Variants in COL24A1 observed in about 807,000 individuals in gnomAD.
The protein encoded by COL24A1 is collagen alpha-1(XXIV) chain.
Under a neutral mutation model 253.9 loss-of-function variants are expected in COL24A1, and 224 were observed. That is an observed-to-expected ratio of 0.88 (90% CI 0.79 to 0.99). The LOEUF (loss-of-function observed/expected upper bound fraction) is 0.99. COL24A1 is among the 50% of genes least tolerant of loss of function. COL24A1 has a pLI of 0.00. For missense variants in COL24A1, 2,131 were observed against 2,068.5 expected, an observed-to-expected ratio of 1.03 and a Z score of -0.59; for synonymous variants, 685 against 673.7, an observed-to-expected ratio of 1.02 and a Z score of -0.26.
rs141268668 is a variant in COL24A1 at position 85,730,527 on chromosome 1, C to G, written c.*19G>C. ...AATTACCTGGCCAACAGCCTGAATTCGGAACTAATTCAGAGACTTTACAGA... is the reference window on the plus strand; with the variant it reads ...AATTACCTGGCCAACAGCCTGAATTGGGAACTAATTCAGAGACTTTACAGA... On this transcript the variant is annotated 3_prime_UTR_variant, in exon 60 of 60. Coordinates refer to ENST00000370571, the MANE Select transcript of COL24A1 (RefSeq NM_152890.7). 2 of 1,610,532 alleles carry G rather than the reference C, an allele frequency of 1.2e-6. No individual in the cohort carries two copies. The highest frequency in any genetic ancestry group is 2.7e-5 in the African/African-American group (2 of 74,840).
At chr1:85,987,729 T>C (rs1693852000) in intron 19 of COL24A1, 75 bp from the exon 20 acceptor site, 1 of 1,283,298 alleles carries the variant, frequency 7.8e-7, no homozygotes, top group African/African-American at 1.5e-5. Context: ...AAATTCCCTT[T>C]GCTATTCCTC....
chr1:86,032,013 G>A, intron 13 of COL24A1, 91 bp from the exon 14 acceptor site: 2 of 1,000,812 alleles, frequency 2.0e-6, no homozygotes, highest in Non-Finnish European at 3.0e-6. Flanking sequence ...TTCTAGCTAA[G>A]AATACATCAA....
chr1:85,949,988 T>A (rs1689732260), intron 24 of COL24A1, among the ~76,000 whole-genome samples: 1 of 152,142 alleles, frequency 6.6e-6, no homozygotes, highest in Non-Finnish European at 1.5e-5. Flanking sequence ...CCTCTGTACA[T>A]GTTCTGTTAC....
At chr1:85,995,487 A>G (rs1030323547) in intron 19 of COL24A1, among the ~76,000 whole-genome samples, 2 of 152,236 alleles carry the variant, frequency 1.3e-5, no homozygotes, top group Non-Finnish European at 1.5e-5. Flanking sequence ...TAGTTAAGTT[A>G]TAATTCAAAA....
At chr1:86,010,067 A>G (rs1257777078) in intron 19 of COL24A1, among the ~76,000 whole-genome samples, 1 of 152,204 alleles carries the variant, frequency 6.6e-6, no homozygotes, top group Non-Finnish European at 1.5e-5. Flanking sequence ...CACAAAAAAA[A>G]CTTTTAATGT....
At chr1:85,984,539 T>C (rs1693545595) in intron 20 of COL24A1, among the ~76,000 whole-genome samples, 1 of 151,830 alleles carries the variant, frequency 6.6e-6, no homozygotes, top group African/African-American at 2.4e-5. Context: ...AATAAATAAG[T>C]TATTGAATGA....
intron 57 of COL24A1, among the ~76,000 whole-genome samples, chr1:85,738,082 C>A (rs1046583160): frequency 1.3e-4 from 20 of 151,986 alleles, no homozygotes; most frequent in African/African-American, 4.8e-4. Context: ...GATAGAATAG[C>A]TGAATTGATT....
At chr1:86,055,264 A>G (rs984667684) in intron 10 of COL24A1, among the ~76,000 whole-genome samples, 1 of 152,178 alleles carries the variant, frequency 6.6e-6, no homozygotes, top group Non-Finnish European at 1.5e-5. Flanking sequence ...CCCATGTAAC[A>G]AAGCTGCACA....
chr1:85,875,241 A>C, intron 34 of COL24A1, 36 bp downstream of exon 34: 1 of 1,586,202 alleles, frequency 6.3e-7, no homozygotes, highest in East Asian at 2.2e-5. Context: ...CAATGGTGAA[A>C]GTTTAGAGAT....
At chr1:85,794,255 C>T (rs1670593043) in intron 47 of COL24A1, among the ~76,000 whole-genome samples, 1 of 152,064 alleles carries the variant, frequency 6.6e-6, no homozygotes, top group Admixed American at 6.6e-5. Flanking sequence ...TAAAATAGAA[C>T]CATTTTGCCT....
At chr1:85,872,143 T>C (rs1160774084) in intron 35 of COL24A1, among the ~76,000 whole-genome samples, 2 of 152,170 alleles carry the variant, frequency 1.3e-5, no homozygotes, top group Non-Finnish European at 2.9e-5. Flanking sequence ...ACAAGGGATG[T>C]GAAGGACCTC....
chr1:86,016,002 AG>A (rs768150723), intron 19 of COL24A1, among the ~76,000 whole-genome samples: 49 of 151,200 alleles, frequency 3.2e-4, no homozygotes, highest in Non-Finnish European at 3.8e-4. Context: ...CTGGGACTAC[AG>A]GTGTGAGCCA....
At chr1:86,136,402 C>T (rs764321483) in intron 2 of COL24A1, among the ~76,000 whole-genome samples, 6 of 150,328 alleles carry the variant, frequency 4.0e-5, no homozygotes, top group Non-Finnish European at 8.9e-5. Flanking sequence ...TTTCTGAGCA[C>T]ATTTTGGGGA....
intron 8 of COL24A1, among the ~76,000 whole-genome samples, chr1:86,062,144 G>A (rs2101770577): frequency 6.6e-6 from 1 of 152,162 alleles, no homozygotes; most frequent in East Asian, 1.9e-4. Flanking sequence ...ACTACTAGAA[G>A]TTGTAGTTAA....
Position 85,823,582 on chromosome 1 carries a change from G to C in COL24A1, c.3743C>G (p.Pro1248Arg). Residue 1248 changes from proline (P) to arginine (R), a missense_variant, in exon 45 of 60, where the codon CCA (proline) becomes CGA (arginine). Pro to Arg is a moderately radical substitution (Grantham distance 103, BLOSUM62 -2). Transcript: ENST00000370571. ...TAGTCCTTGTTCACCCTGGTCACCT[G>C]GTTCGCCCTTTAGTAGAAACCAAAA... The part of the protein sequence containing the change: ...ATGQQGPPGE[P>R]GDQGEQGLKG... The C allele has an allele frequency of 1.2e-6, 2 of 1,613,928 alleles. No homozygotes were observed. The highest frequency in any genetic ancestry group is 1.7e-6 in the Non-Finnish European group (2 of 1,179,920).
At chr1:85,992,019 C>T (rs996618463) in intron 19 of COL24A1, among the ~76,000 whole-genome samples, 4 of 151,314 alleles carry the variant, frequency 2.6e-5, no homozygotes, top group African/African-American at 4.9e-5. Flanking sequence ...TGTGCTGCAC[C>T]CATTAACTCT....
chr1:85,873,125 C>T (rs1408494128), intron 35 of COL24A1, among the ~76,000 whole-genome samples: 1 of 152,126 alleles, frequency 6.6e-6, no homozygotes, highest in Non-Finnish European at 1.5e-5. Flanking sequence ...CAAATCAAAA[C>T]CACAATGAGA....
intron 19 of COL24A1, among the ~76,000 whole-genome samples, chr1:86,000,369 T>G (rs963521187): frequency 6.6e-6 from 1 of 152,208 alleles, no homozygotes; most frequent in Admixed American, 6.5e-5. Context: ...TAATATATCT[T>G]ACAGTGATTA....
rs559090677 is a variant in COL24A1 at position 85,997,981 on chromosome 1, A to T, written c.2311-10327T>A. ...AGAAATGCCAGGATAAGATTTACAG[A>T]GTGTCTTGGTTATATTCATCAAGTT... On this transcript the variant is annotated intron_variant, in intron 19 of 59. Coordinates refer to ENST00000370571, the MANE Select transcript of COL24A1 (RefSeq NM_152890.7). 7.0e-4 allele frequency among the ~76,000 whole-genome samples: 106 copies of T among 152,138 alleles called. 2 individuals are homozygous for T. Among genetic ancestry groups the T allele is most frequent in the Non-Finnish European group, 6.0e-4 (41 of 68,028 alleles).
Sources: gnomAD v4.1 joint callset for allele counts (sites outside exome capture counted in the v4.1 genomes callset) on GRCh38, gnomAD v4.1.1 for gene constraint, MANE v1.5 for transcripts, NCBI Gene and HGNC (gene_info 2026-07-23, HGNC 2026-07-21) for gene names.